DNM3: variants seen among roughly 807,000 people sequenced by gnomAD.
The protein encoded by DNM3 is dynamin 3.
A neutral mutation model predicts 101.6 loss-of-function variants in DNM3; 47 were observed. That is an observed-to-expected ratio of 0.46 (90% CI 0.37 to 0.59). The LOEUF is 0.59. Ranked by LOEUF, DNM3 falls within the 20% of genes least tolerant of loss-of-function variation. The pLI, the probability that DNM3 is intolerant of heterozygous loss-of-function variation, is 0.00. For missense variants in DNM3, 849 were observed against 1,085.7 expected (o/e 0.78, Z 3.06); for synonymous variants, 385 against 387.9 (o/e 0.99, Z 0.09).
intron 10 of DNM3, among the ~76,000 whole-genome samples, chr1:172,052,232 C>T (rs767771742): frequency 6.6e-6 from 1 of 152,168 alleles, no homozygotes; most frequent in Non-Finnish European, 1.5e-5. Context: ...CCTTCTTATC[C>T]TTGTCTCTGT....
chr1:171,899,631 A>G (rs2038124607), intron 1 of DNM3, among the ~76,000 whole-genome samples: 1 of 152,188 alleles, frequency 6.6e-6, no homozygotes, highest in African/African-American at 2.4e-5. Flanking sequence ...AATGTGGATA[A>G]TGGTAGTTAC....
chr1:172,294,275 G>T (rs1448861852), intron 15 of DNM3, among the ~76,000 whole-genome samples: 2 of 151,912 alleles, frequency 1.3e-5, no homozygotes. Flanking sequence ...GCTTGTTTTG[G>T]TTTATCCTTT....
At chr1:172,291,877 C>G (rs1237800978) in intron 15 of DNM3, among the ~76,000 whole-genome samples, 1 of 152,012 alleles carries the variant, frequency 6.6e-6, no homozygotes, top group Non-Finnish European at 1.5e-5. Context: ...TGATGTTAGT[C>G]TGAATATGCA....
At chr1:171,929,091 G>A (rs993173068) in intron 2 of DNM3, among the ~76,000 whole-genome samples, 6 of 152,070 alleles carry the variant, frequency 3.9e-5, no homozygotes, top group African/African-American at 7.2e-5. Context: ...TTAGAAAAGC[G>A]GTCTGGCTAT....
chr1:172,021,103 C>T (rs1041861201), intron 4 of DNM3, among the ~76,000 whole-genome samples: 2 of 152,314 alleles, frequency 1.3e-5, no homozygotes, highest in Middle Eastern at 6.8e-3. Flanking sequence ...CAGATTTTTA[C>T]TTGTTGGGAT....
intron 15 of DNM3, among the ~76,000 whole-genome samples, chr1:172,292,894 G>A (rs922057461): frequency 6.6e-6 from 1 of 152,146 alleles, no homozygotes; most frequent in African/African-American, 2.4e-5. Flanking sequence ...CATTTCACTG[G>A]CAACCAGAAA....
chr1:172,357,339 C>T (rs569068269), intron 17 of DNM3, among the ~76,000 whole-genome samples: 36 of 152,162 alleles, frequency 2.4e-4, no homozygotes, highest in African/African-American at 7.7e-4. Context: ...CTGGAAGACA[C>T]CATCTTAACC....
chr1:172,075,520 C>T (rs1264581097), intron 11 of DNM3, among the ~76,000 whole-genome samples: 2 of 152,064 alleles, frequency 1.3e-5, no homozygotes, highest in Non-Finnish European at 2.9e-5. Context: ...CAGTTTCAGT[C>T]TTCTGCATAT....
At chr1:172,282,343 T>C (rs753615005) in intron 15 of DNM3, among the ~76,000 whole-genome samples, 1 of 152,204 alleles carries the variant, frequency 6.6e-6, no homozygotes, top group Admixed American at 6.5e-5. Context: ...CTAAATGCTT[T>C]GCATGCATTA....
intron 12 of DNM3, among the ~76,000 whole-genome samples, chr1:172,086,057 C>G (rs911807390): frequency 2.0e-5 from 3 of 152,104 alleles, no homozygotes; most frequent in African/African-American, 7.2e-5. Flanking sequence ...ATATCCTGTT[C>G]AAATAAGTTA....
chr1:172,223,873 G>A (rs979126607), intron 14 of DNM3, among the ~76,000 whole-genome samples: 6 of 151,926 alleles, frequency 3.9e-5, no homozygotes, highest in African/African-American at 7.3e-5. Context: ...CCACTGCCAC[G>A]GTCCCATTGT....
chr1:172,280,360 G>A (rs1037050382), intron 15 of DNM3, among the ~76,000 whole-genome samples: 5 of 152,106 alleles, frequency 3.3e-5, no homozygotes, highest in African/African-American at 9.7e-5. Flanking sequence ...TATAAGTTCA[G>A]TGAAGGCAAA....
Position 172,403,706 on chromosome 1 carries a change from C to T in DNM3, c.2523-4066C>T, listed in dbSNP as rs74762245. Among the ~76,000 whole-genome samples, 88 of 152,184 alleles carry T rather than the reference C, an allele frequency of 5.8e-4. 1 individual carries two copies. In the East Asian group the frequency reaches 0.016, roughly 28 times the overall value. ...TTGATTTGAAAGAAGAAACATGGCT[C>T]TTCTATGTAACCATAAACCGCCCAC... On this transcript the variant is annotated intron_variant, in intron 20 of 20. Transcript: ENST00000627582.
In DNM3 at chr1:171,951,160, AAAT is replaced by A. The variant is rs1405836796; in HGVS notation, c.235+29345_235+29347del. Among the ~76,000 whole-genome samples, 4 of 152,320 alleles carry A rather than the reference AAAT, an allele frequency of 2.6e-5. No individual in the cohort carries two copies. In the East Asian group the frequency reaches 7.7e-4, roughly 29 times the overall value. ...CTCATATTTGTTCAGTACTTACTTC[AAAT>A]AATAAAACCTGGTGGTTGCTTTATC... On this transcript the variant is annotated intron_variant, in intron 2 of 20. Coordinates refer to ENST00000627582, the MANE Select transcript of DNM3 (RefSeq NM_015569.5).
intron 20 of DNM3, among the ~76,000 whole-genome samples, chr1:172,397,997 T>C (rs4471302): frequency 0.25 from 38,225 of 152,156 alleles, 6,857 homozygotes; most frequent in African/African-American, 0.51. Flanking sequence ...ATAGGCTCCA[T>C]TGATATTCAC....
intron 14 of DNM3, among the ~76,000 whole-genome samples, chr1:172,245,777 G>C (rs2061927840): frequency 6.6e-6 from 1 of 152,182 alleles, no homozygotes; most frequent in South Asian, 2.1e-4. Context: ...AACACTTGGA[G>C]GATAAGGCTG....
At chr1:172,343,466 G>A (rs1034917866) in intron 17 of DNM3, among the ~76,000 whole-genome samples, 15 of 152,024 alleles carry the variant, frequency 9.9e-5, no homozygotes, top group South Asian at 4.1e-4. Flanking sequence ...GATGCAGGCC[G>A]ATAACTTTTC....
At chr1:172,175,810 A>G (rs2059135836) in intron 14 of DNM3, among the ~76,000 whole-genome samples, 1 of 151,872 alleles carries the variant, frequency 6.6e-6, no homozygotes, top group Admixed American at 6.6e-5. Flanking sequence ...CATATTTGAT[A>G]TATTTTAATG....
At chr1:172,209,494 G>A (rs988310648) in intron 14 of DNM3, among the ~76,000 whole-genome samples, 1 of 151,890 alleles carries the variant, frequency 6.6e-6, no homozygotes, top group African/African-American at 2.4e-5. Context: ...TTACCCAGGA[G>A]CCAAGTGAGT....
Sources: gnomAD v4.1 joint callset for allele counts (sites outside exome capture counted in the v4.1 genomes callset) on GRCh38, gnomAD v4.1.1 for gene constraint, MANE v1.5 for transcripts, NCBI Gene and HGNC (gene_info 2026-07-23, HGNC 2026-07-21) for gene names.